The following ABCG1 variants were observed in gnomAD, a reference collection of about 807,000 sequenced individuals.
The protein encoded by ABCG1 is ATP-binding cassette sub-family G member 1.
In ABCG1, 29 loss-of-function variants were observed where a neutral mutation model predicts 69.2. The ratio of observed to expected loss-of-function variants is 0.42; its 90% confidence interval spans 0.31 to 0.57. The LOEUF (loss-of-function observed/expected upper bound fraction) is 0.57, where lower values mean the gene tolerates loss of function less well. Among genes scored for constraint, ABCG1 ranks in the 20% least tolerant of loss-of-function variants. The pLI, the probability that ABCG1 is intolerant of heterozygous loss-of-function variation, is 0.15. For synonymous variants in ABCG1, 370 were observed against 374.8 expected (o/e 0.99, Z 0.15); for missense variants, 718 against 898.1 (o/e 0.80, Z 2.56).
Position 42,219,848 on chromosome 21 carries a change from C to G in ABCG1, c.42+544C>G. On this transcript the variant is annotated intron_variant, in intron 1 of 14. Coordinates refer to ENST00000398449, the MANE Select transcript of ABCG1 (RefSeq NM_016818.3). The surrounding 1 kb of genome is among the most constrained non-coding windows in gnomAD (Gnocchi z 5.3). The stretch of plus-strand genomic sequence containing the variant: ...CCTGCGACTGCACTCCCGGGGACAC[C>G]CTCTCCCGGACCCACTCGGGGAGGC... 6.6e-7 allele frequency: 1 copy of G among 1,510,044 alleles called. No individual in the cohort carries two copies. The highest frequency in any genetic ancestry group is 8.8e-7 in the Non-Finnish European group (1 of 1,130,488). The allele number at this position is 1,510,044 out of a possible 1,614,324, so 93.5% of individuals were successfully genotyped here.
upstream of ABCG1, among the ~76,000 whole-genome samples, chr21:42,213,684 C>T (rs1032603732): frequency 2.0e-5 from 3 of 152,244 alleles, no homozygotes; most frequent in Admixed American, 6.5e-5. Context: ...GGGCCTAAGT[C>T]CCTCCTTAGA....
chr21:42,244,098 C>T (rs1445267799), intron 2 of ABCG1, among the ~76,000 whole-genome samples: 1 of 152,154 alleles, frequency 6.6e-6, no homozygotes, highest in African/African-American at 2.4e-5. Flanking sequence ...GGATTACAGG[C>T]GTGAGCCCCC....
chr21:42,217,586 C>T (rs575766291), upstream of ABCG1, among the ~76,000 whole-genome samples: 28 of 152,074 alleles, frequency 1.8e-4, no homozygotes, highest in Middle Eastern at 6.8e-3. Flanking sequence ...ACACAGCCTC[C>T]AAGGCCTGGC....
chr21:42,279,694 G>A (rs143309774), intron 5 of ABCG1, among the ~76,000 whole-genome samples: 85 of 152,374 alleles, frequency 5.6e-4, no homozygotes, highest in African/African-American at 1.7e-3. Context: ...CTTTTCCGGG[G>A]TAGCTGGTGA....
rs141513097 is a variant in ABCG1 at position 42,276,447 on chromosome 21, C to T, written c.538-448C>T. 667 of 160,196 alleles carry T rather than the reference C, an allele frequency of 4.2e-3. 3 individuals carry two copies. The highest frequency in any genetic ancestry group is 0.015 in the African/African-American group (623 of 41,866). The allele number at this position is 160,196 out of a possible 1,614,324, so 9.9% of individuals were successfully genotyped here. Reference sequence around the variant, plus strand: ...GGCTTTCTTACCTCTAAATGGCCCACATCTGACTTCTCTCCTGGGTACAGC... The same window carrying T: ...GGCTTTCTTACCTCTAAATGGCCCATATCTGACTTCTCTCCTGGGTACAGC... On this transcript the variant is annotated intron_variant, in intron 4 of 14. Coordinates refer to ENST00000398449, the MANE Select transcript of ABCG1 (RefSeq NM_016818.3). This position sits in a 1 kb window ranked among gnomAD's most constrained non-coding sequence, Gnocchi z 5.3.
Position 42,287,991 on chromosome 21 carries a change from G to T in ABCG1, c.1076G>T (p.Gly359Val), listed in dbSNP as rs759038061. The change falls in exon 9 of 15, where the codon GGT becomes GTT. Residue 359 changes from glycine (G) to valine (V), a missense_variant. Coordinates refer to ENST00000398449, the MANE Select transcript of ABCG1 (RefSeq NM_016818.3). The surrounding 1 kb of genome is among the most constrained non-coding windows in gnomAD (Gnocchi z 6.2). ...CDSDHKRDLG[G>V]DAEVNPFLWH... The stretch of plus-strand genomic sequence containing the variant: ...TCAGACCACAAGAGAGACCTCGGGG[G>T]TGATGCCGAGGTGAACCCTTTTCTT... 11 of 1,613,538 alleles carry T rather than the reference G, an allele frequency of 6.8e-6. No individual in the cohort carries two copies. In the East Asian group the frequency reaches 2.2e-4, roughly 33 times the overall value.
At chr21:42,221,079 G>C (rs966027378) in intron 1 of ABCG1, 3 of 152,076 alleles carry the variant, frequency 2.0e-5, no homozygotes, top group African/African-American at 7.2e-5. Context: ...AGTAACGGCT[G>C]GGCTCATTGT....
At position 42,255,910 on chromosome 21, in the gene ABCG1, T is replaced by C. The variant is rs183128144; in HGVS notation, c.287-15160T>C. Reference sequence around the variant, plus strand: ...CAGAGAATGGGGCTATGGTTGATAGTGTAGTCTTTGGGAACTTTTGTTATT... The same window carrying C: ...CAGAGAATGGGGCTATGGTTGATAGCGTAGTCTTTGGGAACTTTTGTTATT... On this transcript the variant is annotated intron_variant, in intron 2 of 14. Coordinates refer to ENST00000398449, the MANE Select transcript of ABCG1 (RefSeq NM_016818.3). 3.7e-3 allele frequency among the ~76,000 whole-genome samples: 564 copies of C among 152,314 alleles called. 7 individuals are homozygous for C. The highest frequency in any genetic ancestry group is 0.013 in the African/African-American group (521 of 41,576).
chr21:42,261,528 C>T (rs1457986902), intron 2 of ABCG1, among the ~76,000 whole-genome samples: 2 of 152,200 alleles, frequency 1.3e-5, no homozygotes, highest in African/African-American at 4.8e-5. Context: ...CTGGGGGAAG[C>T]TTGGGCAGCT....
chr21:42,252,685 A>C (rs1419494193), intron 2 of ABCG1, among the ~76,000 whole-genome samples: 1 of 152,144 alleles, frequency 6.6e-6, no homozygotes, highest in Non-Finnish European at 1.5e-5. Flanking sequence ...TGGAAGGACA[A>C]GGGGCACCTT....
At position 42,276,784 on chromosome 21, in the gene ABCG1, T is replaced by G; in HGVS notation, c.538-111T>G. 1 of 1,098,528 alleles carries G rather than the reference T, an allele frequency of 9.1e-7. No individual in the cohort carries two copies. The highest frequency in any genetic ancestry group is 1.4e-6 in the Non-Finnish European group (1 of 728,842). The allele number at this position is 1,098,528 out of a possible 1,614,324, so 68.0% of individuals were successfully genotyped here. A position where few individuals can be genotyped will look rare whatever the true frequency, so the allele number is the denominator to read the frequency against. On this transcript the variant is annotated intron_variant, in intron 4 of 14. Transcript: ENST00000398449. This position sits in a 1 kb window ranked among gnomAD's most constrained non-coding sequence, Gnocchi z 5.3. The stretch of plus-strand genomic sequence containing the variant: ...AGCTGCACCGTGGCTAGTGGCACTG[T>G]GGCTAGCTGCATCTTGGCTAGCTGC...
chr21:42,245,792 T>G (rs1030558653), intron 2 of ABCG1, among the ~76,000 whole-genome samples: 1 of 100,396 alleles, frequency 1.0e-5, no homozygotes, highest in Non-Finnish European at 2.1e-5. Flanking sequence ...TCTAAGCATC[T>G]TGGCACAACT....
chr21:42,234,506 C>A (rs1054534774), intron 2 of ABCG1, among the ~76,000 whole-genome samples: 2 of 152,214 alleles, frequency 1.3e-5, no homozygotes, highest in East Asian at 1.9e-4. Context: ...TGGCTGGGGG[C>A]TGCACTGGAC....
Position 42,226,606 on chromosome 21 carries a change from G to A in ABCG1, c.286+692G>A, listed in dbSNP as rs572050950. On this transcript the variant is annotated intron_variant, in intron 2 of 14. Transcript: ENST00000398449. ...GCTCTAGAGTTTCACAGTTTGTGGA[G>A]TTAATGCCGCCCTGGGTTGGTGTGT... Among the ~76,000 whole-genome samples, 4 of 151,950 alleles carry A rather than the reference G, an allele frequency of 2.6e-5. No individual in the cohort carries two copies. The East Asian group carries it at 7.8e-4, about 30-fold the overall frequency.
chr21:42,254,675 G>A (rs1293682080), intron 2 of ABCG1, among the ~76,000 whole-genome samples: 1 of 152,254 alleles, frequency 6.6e-6, no homozygotes, highest in Non-Finnish European at 1.5e-5. Context: ...GCATTAGGGG[G>A]AAGAAACAAG....
intron 5 of ABCG1, among the ~76,000 whole-genome samples, chr21:42,280,394 C>T (rs1441818575): frequency 2.0e-5 from 3 of 152,210 alleles, no homozygotes; most frequent in Non-Finnish European, 4.4e-5. Context: ...CCAGAGCCCT[C>T]CAGCAAGGCC....
intron 2 of ABCG1, among the ~76,000 whole-genome samples, chr21:42,261,830 C>A (rs1164096820): frequency 6.6e-6 from 1 of 152,200 alleles, no homozygotes; most frequent in Non-Finnish European, 1.5e-5. Context: ...GCTGAGCTAT[C>A]AGAGTAACAT....
At chr21:42,235,754 T>C (rs2067970432) in intron 2 of ABCG1, among the ~76,000 whole-genome samples, 1 of 152,198 alleles carries the variant, frequency 6.6e-6, no homozygotes. Context: ...GAGAACAGAC[T>C]GTAAATGCTT....
intron 2 of ABCG1, among the ~76,000 whole-genome samples, chr21:42,233,352 C>T (rs1180198264): frequency 6.6e-6 from 1 of 152,216 alleles, no homozygotes; most frequent in Non-Finnish European, 1.5e-5. Flanking sequence ...AGCCCGCCCT[C>T]CTGCCCCGTG....
Sources: gnomAD v4.1 joint callset for allele counts (sites outside exome capture counted in the v4.1 genomes callset) on GRCh38, gnomAD v4.1.1 for gene constraint, Gnocchi (gnomAD v3.1) non-coding constraint, MANE v1.5 for transcripts, NCBI Gene and HGNC (gene_info 2026-07-23, HGNC 2026-07-21) for gene names.